Variants in RNF125 observed in about 807,000 individuals in gnomAD.
The protein encoded by RNF125 is E3 ubiquitin-protein ligase RNF125.
A neutral mutation model predicts 26.0 loss-of-function variants in RNF125; 21 were observed. That is an observed-to-expected ratio of 0.81 (90% CI 0.57 to 1.16). RNF125 has a LOEUF of 1.16. Among genes scored for constraint, RNF125 ranks in the 50% most tolerant of loss-of-function variants. The pLI, the probability that RNF125 is intolerant of heterozygous loss-of-function variation, is 0.00. For synonymous variants in RNF125, 95 were observed against 109.2 expected (o/e 0.87, Z 0.81); for missense variants, 270 against 299.4 (o/e 0.90, Z 0.72).
chr18:32,058,937 G>A (rs2039411210), intron 4 of RNF125, among the ~76,000 whole-genome samples: 1 of 152,158 alleles, frequency 6.6e-6, no homozygotes, highest in South Asian at 2.1e-4. Context: ...TTCCATCCAT[G>A]TTGTTGCAAA....
chr18:32,083,187 A>T, the RNF125 span, among the ~76,000 whole-genome samples: 1 of 152,168 alleles, frequency 6.6e-6, no homozygotes, highest in African/African-American at 2.4e-5. Flanking sequence ...GGTACATAAC[A>T]GGTGGTTGAT....
At chr18:32,090,044 G>A in the RNF125 span, among the ~76,000 whole-genome samples, 1 of 152,208 alleles carries the variant, frequency 6.6e-6, no homozygotes, top group African/African-American at 2.4e-5. Context: ...CCAGGAGTTC[G>A]AGACTAGCCT....
the RNF125 span, among the ~76,000 whole-genome samples, chr18:32,083,166 C>T: frequency 7.9e-5 from 12 of 152,282 alleles, no homozygotes; most frequent in South Asian, 2.5e-3. Context: ...GTTGTATTTG[C>T]TCTCCATTGT....
intron 1 of RNF125, among the ~76,000 whole-genome samples, chr18:32,030,098 G>A (rs1173188133): frequency 6.6e-6 from 1 of 152,166 alleles, no homozygotes; most frequent in Non-Finnish European, 1.5e-5. Flanking sequence ...AGGCTGGAGT[G>A]CAGTGATGCG....
chr18:32,041,989 G>A (rs1295110398), intron 2 of RNF125, 190 bp from the exon 3 acceptor site: 6 of 559,182 alleles, frequency 1.1e-5, no homozygotes, highest in South Asian at 1.0e-4. Context: ...TCTAAGTATC[G>A]GAGAATTTGA....
intron 4 of RNF125, among the ~76,000 whole-genome samples, chr18:32,061,642 G>GC (rs977730298): frequency 9.2e-5 from 14 of 152,212 alleles, no homozygotes; most frequent in African/African-American, 3.4e-4. Context: ...CTCCCTGCTG[G>GC]CCTGGCTGGC....
chr18:32,054,118 A>G (rs1202133414), intron 4 of RNF125, among the ~76,000 whole-genome samples: 3 of 124,474 alleles, frequency 2.4e-5, no homozygotes, highest in Non-Finnish European at 4.9e-5. Context: ...TTTGAGACAG[A>G]GTTTCACTCT....
the RNF125 span, among the ~76,000 whole-genome samples, chr18:32,083,061 T>C: frequency 6.6e-6 from 1 of 152,246 alleles, no homozygotes; most frequent in Non-Finnish European, 1.5e-5. Context: ...GCTGTGGTTC[T>C]CTGCTTTACT....
At chr18:32,029,462 G>GA (rs61164382) in intron 1 of RNF125, among the ~76,000 whole-genome samples, 1,531 of 112,300 alleles carry the variant, frequency 0.014, 18 homozygotes, top group African/African-American at 0.038. Context: ...CGTCTGTACA[G>GA]AAAAAAAAAA....
chr18:32,028,581 GT>G (rs2039062455), intron 1 of RNF125, among the ~76,000 whole-genome samples: 1 of 117,344 alleles, frequency 8.5e-6, no homozygotes, highest in African/African-American at 3.5e-5. Flanking sequence ...AAAATATTTT[GT>G]TTCCTTTTTT....
At chr18:32,053,330 C>T (rs2039346795) in intron 4 of RNF125, among the ~76,000 whole-genome samples, 1 of 151,912 alleles carries the variant, frequency 6.6e-6, no homozygotes, top group Admixed American at 6.6e-5. Flanking sequence ...CCATTGCACT[C>T]CAGCCTGGGC....
intron 4 of RNF125, among the ~76,000 whole-genome samples, chr18:32,061,368 A>C (rs1348241290): frequency 6.6e-6 from 1 of 152,144 alleles, no homozygotes; most frequent in Non-Finnish European, 1.5e-5. Flanking sequence ...CTAGACTCTA[A>C]TCAGCTCCTT....
chr18:32,085,726 AG>A, the RNF125 span, among the ~76,000 whole-genome samples: 6 of 143,058 alleles, frequency 4.2e-5, no homozygotes, highest in African/African-American at 8.1e-5. Flanking sequence ...AAAAAAAAAG[AG>A]AGAGAGAAGT....
At chr18:32,077,100 A>G (rs1476268986), downstream of RNF125, among the ~76,000 whole-genome samples, 1 of 152,204 alleles carries the variant, frequency 6.6e-6, no homozygotes, top group Non-Finnish European at 1.5e-5. Flanking sequence ...ACAATGGCAC[A>G]TGTCAAGTAC....
the RNF125 span, among the ~76,000 whole-genome samples, chr18:32,078,656 G>T: frequency 6.6e-6 from 1 of 151,248 alleles, no homozygotes. Context: ...AAAAAGAAAA[G>T]AAAAAAAATA....
chr18:32,042,733 G>C (rs559907228), intron 3 of RNF125, among the ~76,000 whole-genome samples: 5 of 150,234 alleles, frequency 3.3e-5, no homozygotes, highest in African/African-American at 1.2e-4. Flanking sequence ...GAACAGGCTG[G>C]GCAGGCATCC....
intron 1 of RNF125, among the ~76,000 whole-genome samples, chr18:32,020,597 ATGT>A (rs1426179063): frequency 6.6e-6 from 1 of 151,136 alleles, no homozygotes; most frequent in East Asian, 2.1e-4. Flanking sequence ...CCTTAAAAAC[ATGT>A]TGTGCACTTG....
chr18:32,042,325 G>T, intron 3 of RNF125, 52 bp downstream of exon 3: 1 of 1,122,400 alleles, frequency 8.9e-7, no homozygotes, highest in Non-Finnish European at 1.3e-6. Context: ...TGTTTATAAA[G>T]AATTTAATGG....
chr18:32,063,746 A>G (rs2039456304), intron 4 of RNF125, among the ~76,000 whole-genome samples: 1 of 152,210 alleles, frequency 6.6e-6, no homozygotes, highest in Non-Finnish European at 1.5e-5. Flanking sequence ...AGTAATAAGG[A>G]GGGAGCTATG....
Sources: allele counts gnomAD v4.1 joint callset (sites outside exome capture counted in the v4.1 genomes callset), GRCh38; gene constraint gnomAD v4.1.1; transcripts MANE v1.5; gene names NCBI Gene and HGNC (gene_info 2026-07-23, HGNC 2026-07-21).